The following TYW1B variants were observed in gnomAD, a reference collection of about 807,000 sequenced individuals.
The protein encoded by TYW1B is tRNA-yW synthesizing protein 1 homolog B.
TYW1B carries 73 observed loss-of-function variants against 86.9 expected under a neutral mutation model. The ratio of observed to expected loss-of-function variants is 0.84; its 90% confidence interval spans 0.70 to 1.02. The LOEUF (loss-of-function observed/expected upper bound fraction) is 1.02, where lower values mean the gene tolerates loss of function less well. TYW1B is among the 50% of genes least tolerant of loss of function. TYW1B has a pLI of 0.00. For synonymous variants in TYW1B, 248 were observed against 292.8 expected, an observed-to-expected ratio of 0.85 and a Z score of 1.56; for missense variants, 637 against 827.4, an observed-to-expected ratio of 0.77 and a Z score of 2.82.
In TYW1B at chr7:72,616,764, G is replaced by T. The variant is rs1554436971; in HGVS notation, c.1693C>A (p.Gln565Lys). 1 of 1,614,228 alleles carries T rather than the reference G, an allele frequency of 6.2e-7. No homozygotes were observed. The highest frequency in any genetic ancestry group is 8.5e-7 in the Non-Finnish European group (1 of 1,180,042). The part of the protein sequence containing the change: ...AHVPWHEEVV[Q>K]FVRELVDLIP... ...AGATCCACCAGCTCGCGGACAAACTGTACCACTTCCTCATGCCAGGGCACA... is the reference window on the plus strand; with the variant it reads ...AGATCCACCAGCTCGCGGACAAACTTTACCACTTCCTCATGCCAGGGCACA... Residue 565 changes from glutamine to lysine, a missense_variant, in exon 13 of 14, where the codon CAG becomes AAG. Transcript: ENST00000620995.
At chr7:72,674,678 A>G (rs1249296316) in intron 11 of TYW1B, among the ~76,000 whole-genome samples, 6 of 151,486 alleles carry the variant, frequency 4.0e-5, no homozygotes, top group Non-Finnish European at 7.4e-5. Context: ...AAAGCATTTT[A>G]CCCCACGGAA....
At chr7:72,621,308 T>TC (rs1439035698) in intron 12 of TYW1B, among the ~76,000 whole-genome samples, 2 of 152,156 alleles carry the variant, frequency 1.3e-5, no homozygotes, top group African/African-American at 4.8e-5. Flanking sequence ...GATTTTTTTT[T>TC]CCCCACAATA....
chr7:72,639,368 T>C (rs1554441211), intron 11 of TYW1B, among the ~76,000 whole-genome samples: 1 of 152,120 alleles, frequency 6.6e-6, no homozygotes, highest in Non-Finnish European at 1.5e-5. Flanking sequence ...GGTCTCATTA[T>C]GTTGCCCAGG....
intron 12 of TYW1B, among the ~76,000 whole-genome samples, chr7:72,617,275 A>C (rs1387705324): frequency 6.6e-6 from 1 of 152,186 alleles, no homozygotes; most frequent in Non-Finnish European, 1.5e-5. Flanking sequence ...TCACTGGGAA[A>C]ATAAGCTGAG....
intron 11 of TYW1B, among the ~76,000 whole-genome samples, chr7:72,678,589 G>T (rs759895302): frequency 6.7e-6 from 1 of 149,004 alleles, no homozygotes; most frequent in East Asian, 2.0e-4. Flanking sequence ...CAATGGCCAG[G>T]CATGGTGGCT....
intron 13 of TYW1B, among the ~76,000 whole-genome samples, chr7:72,583,730 C>A (rs1554429983): frequency 6.6e-6 from 1 of 152,196 alleles, no homozygotes; most frequent in African/African-American, 2.4e-5. Context: ...ACAGTAGTGA[C>A]AAATCCTTGT....
At chr7:72,677,018 T>C (rs1813751637) in intron 11 of TYW1B, among the ~76,000 whole-genome samples, 1 of 151,900 alleles carries the variant, frequency 6.6e-6, no homozygotes, top group South Asian at 2.1e-4. Context: ...AGAAACTTGG[T>C]TGGGGTGATG....
At chr7:72,596,298 A>C (rs1811531737) in intron 13 of TYW1B, among the ~76,000 whole-genome samples, 1 of 152,084 alleles carries the variant, frequency 6.6e-6, no homozygotes, top group Admixed American at 6.6e-5. Flanking sequence ...TCTATCCTAA[A>C]ATTCATATGG....
At chr7:72,624,276 G>A (rs1161791364) in intron 12 of TYW1B, among the ~76,000 whole-genome samples, 3 of 152,170 alleles carry the variant, frequency 2.0e-5, no homozygotes, top group South Asian at 2.1e-4. Flanking sequence ...ATGCATGCTC[G>A]TTGTAATAAT....
chr7:72,773,010 T>C (rs1329155611), intron 7 of TYW1B, among the ~76,000 whole-genome samples: 1 of 152,228 alleles, frequency 6.6e-6, no homozygotes, highest in African/African-American at 2.4e-5. Flanking sequence ...GAATAACTCA[T>C]CTCTGATACC....
chr7:72,757,510 T>C (rs1314177043), intron 7 of TYW1B, among the ~76,000 whole-genome samples: 1 of 152,024 alleles, frequency 6.6e-6, no homozygotes, highest in Non-Finnish European at 1.5e-5. Flanking sequence ...CAATGTGGTA[T>C]TGGCACAGGA....
At chr7:72,765,945 T>C (rs1787761676) in intron 7 of TYW1B, among the ~76,000 whole-genome samples, 1 of 152,236 alleles carries the variant, frequency 6.6e-6, no homozygotes, top group South Asian at 2.1e-4. Context: ...CTTCATATCA[T>C]AATGAGACTT....
At chr7:72,656,684 G>C (rs185186891) in intron 11 of TYW1B, among the ~76,000 whole-genome samples, 19 of 152,274 alleles carry the variant, frequency 1.2e-4, no homozygotes, top group Non-Finnish European at 2.6e-4. Flanking sequence ...TTAGCTCACA[G>C]TTTTGCAGGG....
intron 11 of TYW1B, among the ~76,000 whole-genome samples, chr7:72,631,624 C>T (rs1458717458): frequency 2.0e-5 from 3 of 151,918 alleles, no homozygotes; most frequent in Admixed American, 6.6e-5. Flanking sequence ...AGCAACAAGG[C>T]CAGGATAAGA....
chr7:72,618,542 A>G (rs1440546966), intron 12 of TYW1B, among the ~76,000 whole-genome samples: 1 of 152,020 alleles, frequency 6.6e-6, no homozygotes, highest in Non-Finnish European at 1.5e-5. Flanking sequence ...AAACCAACAA[A>G]TGAGCAGAGT....
chr7:72,668,364 A>C (rs1431877000), intron 11 of TYW1B, among the ~76,000 whole-genome samples: 5 of 152,224 alleles, frequency 3.3e-5, no homozygotes, highest in African/African-American at 1.2e-4. Flanking sequence ...TGATTACTTG[A>C]ATGTTTTTAG....
chr7:72,787,417 T>C (rs1286571101), intron 6 of TYW1B, among the ~76,000 whole-genome samples: 5 of 147,310 alleles, frequency 3.4e-5, no homozygotes, highest in Admixed American at 2.0e-4. Flanking sequence ...GAGCCAAGAT[T>C]GCACCACTGC....
At chr7:72,599,802 T>C (rs1241481545) in intron 13 of TYW1B, among the ~76,000 whole-genome samples, 4 of 152,026 alleles carry the variant, frequency 2.6e-5, no homozygotes, top group Non-Finnish European at 4.4e-5. Context: ...CATCAAAAAA[T>C]TGAAATATAA....
Position 72,713,715 on chromosome 7 carries a change from T to C in TYW1B, c.1276A>G (p.Met426Val). The change falls in exon 10 of 14, where the codon ATG (methionine) becomes GTG (valine). Residue 426 changes from methionine (M) to valine (V), a missense_variant. Coordinates refer to ENST00000620995, the MANE Select transcript of TYW1B (RefSeq NM_001145440.3). ...CALSLVGEPI[M>V]YPEINRFLKL... ...AAAAACCTGTTGATCTCTGGGTACA[T>C]TATTGGTTCTCCCACGAGGGACAAT... 6.2e-7 allele frequency: 1 copy of C among 1,613,698 alleles called. No individual in the cohort carries two copies. Among genetic ancestry groups the C allele is most frequent in the South Asian group, 1.1e-5 (1 of 90,978 alleles).
Sources: allele counts gnomAD v4.1 joint callset (sites outside exome capture counted in the v4.1 genomes callset), GRCh38; gene constraint gnomAD v4.1.1; transcripts MANE v1.5; gene names NCBI Gene and HGNC (gene_info 2026-07-23, HGNC 2026-07-21).